Variants in ATP2C2 observed in about 807,000 individuals in gnomAD.
The protein encoded by ATP2C2 is ATPase secretory pathway Ca2+ transporting 2, also known as calcium-transporting ATPase type 2C member 2.
Under a neutral mutation model 110.8 loss-of-function variants are expected in ATP2C2, and 171 were observed. The observed-to-expected ratio is 1.54, with a 90% CI of 1.36 to 1.75. The LOEUF (loss-of-function observed/expected upper bound fraction) is 1.75, where lower values mean the gene tolerates loss of function less well. Ranked by LOEUF, ATP2C2 falls within the 40% of genes most tolerant of loss-of-function variation. The pLI is 0.00. For missense variants in ATP2C2, 1,963 were observed against 1,235.0 expected, an observed-to-expected ratio of 1.59 and a Z score of -8.84; for synonymous variants, 804 against 508.4, an observed-to-expected ratio of 1.58 and a Z score of -7.82.
rs752847451 is a variant in ATP2C2, at chr16:84,422,377, C to G, written c.625-13C>G. 1.2e-6 allele frequency: 2 copies of G among 1,610,964 alleles called. No individual in the cohort carries two copies. Among genetic ancestry groups the G allele is most frequent in the South Asian group, 1.1e-5 (1 of 90,740 alleles). Reference sequence around the variant, plus strand: ...CAGAGAGATTCCACAGCCTTTTCCCCTTGCTCTCCTAGGTCACGGACCTCT... The same window carrying G: ...CAGAGAGATTCCACAGCCTTTTCCCGTTGCTCTCCTAGGTCACGGACCTCT... On this transcript the variant is annotated splice_polypyrimidine_tract_variant and intron_variant, in intron 7 of 26. Coordinates refer to ENST00000262429, the MANE Select transcript of ATP2C2 (RefSeq NM_014861.4).
chr16:84,462,812 T>A (rs3743659), intron 26 of ATP2C2: 6 of 152,626 alleles, frequency 3.9e-5, no homozygotes, highest in African/African-American at 1.2e-4. Context: ...GCAGCCCCCA[T>A]GGGCCCACCG....
intron 2 of ATP2C2, among the ~76,000 whole-genome samples, chr16:84,400,890 C>T (rs1597765677): frequency 1.3e-5 from 2 of 152,180 alleles, no homozygotes; most frequent in African/African-American, 4.8e-5. Flanking sequence ...CTATCCAGAT[C>T]TTTGGCCCAT....
chr16:84,411,571 A>G (rs940597076), intron 6 of ATP2C2, among the ~76,000 whole-genome samples: 4 of 151,868 alleles, frequency 2.6e-5, no homozygotes, highest in African/African-American at 9.7e-5. Flanking sequence ...CCTCCCAAAT[A>G]GCTGGGACTA....
Position 84,422,477 on chromosome 16 carries a change from G to A in ATP2C2, c.712G>A (p.Asp238Asn). 6.2e-7 allele frequency: 1 copy of A among 1,614,130 alleles called. No homozygotes were observed. ...AGACAGCCCCTTGACAGGCGGTGGG[G>A]ACCTCACCACCCTCAGCAACATCGT... ...KTDSPLTGGG[D>N]LTTLSNIVFM... is the part of the protein sequence containing the mutation. The change falls in exon 8 of 27, where the codon GAC becomes AAC. Residue 238 changes from aspartate (D) to asparagine (N), a missense_variant. Physicochemically the swap from Asp to Asn is conservative, Grantham distance 23. Coordinates refer to ENST00000262429, the MANE Select transcript of ATP2C2 (RefSeq NM_014861.4).
rs749254090 is a variant in ATP2C2, at chr16:84,461,948, T to C, written c.2581-40T>C. 16 of 1,609,132 alleles carry C rather than the reference T, an allele frequency of 9.9e-6. No individual in the cohort carries two copies. In the African/African-American group the frequency reaches 2.0e-4, roughly 20 times the overall value. On this transcript the variant is annotated intron_variant, in intron 25 of 26. Coordinates refer to ENST00000262429, the MANE Select transcript of ATP2C2 (RefSeq NM_014861.4). ...AGCTCCCCTGCCTGTACCTGGGGTG[T>C]GGACAGCACACAATCCCCCGTGTGA... is the stretch of plus-strand genomic sequence containing the variant.
intron 23 of ATP2C2, chr16:84,459,689 C>T: frequency 6.2e-6 from 7 of 1,135,852 alleles, no homozygotes; most frequent in Non-Finnish European, 8.7e-6. Context: ...CAGTCACTGC[C>T]TTCAGGAAGT....
At chr16:84,372,045 G>A (rs1436665257) in intron 1 of ATP2C2, among the ~76,000 whole-genome samples, 1 of 152,192 alleles carries the variant, frequency 6.6e-6, no homozygotes, top group Non-Finnish European at 1.5e-5. Context: ...ATGAAGGGCA[G>A]GGATTGACAG....
chr16:84,445,124 A>G (rs1310234168), intron 15 of ATP2C2, among the ~76,000 whole-genome samples: 1 of 152,076 alleles, frequency 6.6e-6, no homozygotes, highest in African/African-American at 2.4e-5. Context: ...CTTGACTCGC[A>G]GACGCATCCC....
intron 3 of ATP2C2, chr16:84,406,668 C>A: frequency 1.0e-6 from 1 of 984,272 alleles, no homozygotes; most frequent in Non-Finnish European, 1.2e-6. Context: ...GTGGTTCTGG[C>A]TAGCCCAGAA....
chr16:84,453,468 G>A, intron 20 of ATP2C2, 97 bp downstream of exon 20: 3 of 1,505,130 alleles, frequency 2.0e-6, no homozygotes, highest in South Asian at 1.1e-5. Flanking sequence ...GACAGTGCAG[G>A]GCCCGACCGT....
At chr16:84,448,201 C>G (rs995945159) in intron 16 of ATP2C2, among the ~76,000 whole-genome samples, 2 of 152,042 alleles carry the variant, frequency 1.3e-5, no homozygotes, top group African/African-American at 2.4e-5. Flanking sequence ...ATCACACCCC[C>G]AAAGGCACAG....
intron 11 of ATP2C2, among the ~76,000 whole-genome samples, chr16:84,427,566 A>C (rs1907909653): frequency 6.6e-6 from 1 of 152,026 alleles, no homozygotes; most frequent in Non-Finnish European, 1.5e-5. Context: ...AAAATACAAA[A>C]ATTAACTGGG....
Position 84,448,560 on chromosome 16 carries a change from G to A in ATP2C2, c.1531G>A (p.Gly511Arg). The A allele has an allele frequency of 6.2e-7, 1 of 1,612,606 alleles. No homozygotes were observed. Among genetic ancestry groups the A allele is most frequent in the East Asian group, 2.2e-5 (1 of 44,784 alleles). Residue 511 changes from glycine to arginine, a missense_variant, in exon 17 of 27, where the codon GGG becomes AGG. Gly to Arg is a moderately radical substitution (Grantham distance 125). Coordinates refer to ENST00000262429, the MANE Select transcript of ATP2C2 (RefSeq NM_014861.4). ...TCAGGAAGACATTTACTTCATGAAA[G>A]GGGCCTTGGAAGAGGTGATCCGCTA... ...EDQEDIYFMK[G>R]ALEEVIRYCT...
chr16:84,384,235 G>A (rs1021804738), intron 1 of ATP2C2, among the ~76,000 whole-genome samples: 1 of 152,186 alleles, frequency 6.6e-6, no homozygotes. Flanking sequence ...TAGTTGCCAC[G>A]TCCCTCTGTT....
Position 84,453,133 on chromosome 16 carries a change from T to A in ATP2C2, c.1832-5T>A. On this transcript the variant is annotated splice_region_variant and splice_polypyrimidine_tract_variant and intron_variant, in intron 18 of 26. Transcript: ENST00000262429. ...AGCAGGCCCTCAGAACAGGTTCTTC[T>A]GAAGGAAGAAACATCGGCCTGTGCA... 1 of 1,605,896 alleles carries A rather than the reference T, an allele frequency of 6.2e-7. No individual in the cohort carries two copies.
At chr16:84,403,058 A>C (rs572083039) in intron 2 of ATP2C2, among the ~76,000 whole-genome samples, 24 of 152,180 alleles carry the variant, frequency 1.6e-4, no homozygotes, top group Non-Finnish European at 3.2e-4. Flanking sequence ...ATATTTTCCA[A>C]TTTATTGGCA....
At chr16:84,459,612 C>G (rs555678936) in intron 23 of ATP2C2, 2 of 1,527,586 alleles carry the variant, frequency 1.3e-6, no homozygotes, top group Non-Finnish European at 1.8e-6. Context: ...GAACTTTCTG[C>G]TCCCTCTGCC....
intron 1 of ATP2C2, among the ~76,000 whole-genome samples, chr16:84,373,432 G>GGAA (rs1431403066): frequency 6.6e-6 from 1 of 152,104 alleles, no homozygotes; most frequent in Non-Finnish European, 1.5e-5. Flanking sequence ...TGCAGGAGGT[G>GGAA]GAAGTTGCAG....
At chr16:84,445,922 C>T (rs1342534340) in intron 15 of ATP2C2, among the ~76,000 whole-genome samples, 2 of 152,198 alleles carry the variant, frequency 1.3e-5, no homozygotes, top group Non-Finnish European at 2.9e-5. Context: ...CAACAAAGGG[C>T]CAGGCTGGCA....
Sources: allele counts gnomAD v4.1 joint callset (sites outside exome capture counted in the v4.1 genomes callset), GRCh38; gene constraint gnomAD v4.1.1; transcripts MANE v1.5; gene names NCBI Gene and HGNC (gene_info 2026-07-23, HGNC 2026-07-21).